BCAR1: variants seen among roughly 807,000 people sequenced by gnomAD.
The protein encoded by BCAR1 is breast cancer anti-estrogen resistance protein 1.
BCAR1 carries 30 observed loss-of-function variants against 67.6 expected under a neutral mutation model. That is an observed-to-expected ratio of 0.44 (90% CI 0.33 to 0.60). BCAR1 has a LOEUF of 0.60. Among genes scored for constraint, BCAR1 ranks in the 20% least tolerant of loss-of-function variants. The pLI, the probability that BCAR1 is intolerant of heterozygous loss-of-function variation, is 0.02. For synonymous variants in BCAR1, 626 were observed against 556.7 expected, an observed-to-expected ratio of 1.12 and a Z score of -1.75; for missense variants, 1,313 against 1,222.3, an observed-to-expected ratio of 1.07 and a Z score of -1.11.
At chr16:75,234,457 C>T (rs2077027250) in intron 5 of BCAR1, among the ~76,000 whole-genome samples, 1 of 152,222 alleles carries the variant, frequency 6.6e-6, no homozygotes, top group Admixed American at 6.5e-5. Flanking sequence ...GTCCCTGCCC[C>T]TGGATGCCTC....
rs774441449 is a variant in BCAR1, at chr16:75,238,303, C to G, written c.634-959G>C. ...CTCCAGCCCCCGGGCACACTGCGCC[C>G]ACACGCCTCCACCACCAGGCTCCCT... is the stretch of plus-strand genomic sequence containing the variant. On this transcript the variant is annotated intron_variant, in intron 2 of 6. Coordinates refer to ENST00000162330, the MANE Select transcript of BCAR1 (RefSeq NM_014567.5). 7.0e-6 allele frequency: 8 copies of G among 1,146,000 alleles called. No individual in the cohort carries two copies. The South Asian group carries it at 1.4e-4, about 19-fold the overall frequency. 71.0% of individuals were successfully genotyped at this position (1,146,000 alleles called of 1,614,324 possible).
intron 1 of BCAR1, among the ~76,000 whole-genome samples, chr16:75,260,104 G>A (rs2077870102): frequency 6.6e-6 from 1 of 152,070 alleles, no homozygotes; most frequent in Admixed American, 6.6e-5. Flanking sequence ...TGAGGCAGGA[G>A]AATCACTTGA....
At chr16:75,251,796 C>A, upstream of BCAR1, 1 of 526,692 alleles carries the variant, frequency 1.9e-6, no homozygotes, top group Non-Finnish European at 2.4e-6. Context: ...CCCCGCCCCC[C>A]ACCTCCAACC....
Position 75,245,964 on chromosome 16 carries a change from C to CTTTTTTTTTTTTTTTTTTTTTTTTTTT in BCAR1, c.13-2901_13-2875dup, listed in dbSNP as rs60320561. ...ACAGCCCTCATTTCATAGGATTGTT[C>CTTTTTTTTTTTTTTTTTTTTTTTTTTT]TTTTTTTTTTTTTTTTTTTTTTTTT... On this transcript the variant is annotated intron_variant, in intron 1 of 6. Transcript: ENST00000162330. 7 of 49,634 alleles carry CTTTTTTTTTTTTTTTTTTTTTTTTTTT rather than the reference C, an allele frequency of 1.4e-4. 3 individuals are homozygous for CTTTTTTTTTTTTTTTTTTTTTTTTTTT. The highest frequency in any genetic ancestry group is 3.8e-4 in the African/African-American group (5 of 13,138). 3.1% of individuals were successfully genotyped at this position (49,634 alleles called of 1,614,324 possible). A position where few individuals can be genotyped will look rare whatever the true frequency, so the allele number is the denominator to read the frequency against.
chr16:75,257,966 G>C (rs1409702776), intron 1 of BCAR1, among the ~76,000 whole-genome samples: 1 of 152,212 alleles, frequency 6.6e-6, no homozygotes, highest in Non-Finnish European at 1.5e-5. Flanking sequence ...TACTGCTCAG[G>C]TTTCAGTTTG....
intron 1 of BCAR1, chr16:75,246,118 A>G (rs2077516477): frequency 1.3e-5 from 2 of 151,552 alleles, no homozygotes; most frequent in African/African-American, 4.9e-5. Context: ...AGCTAGGACT[A>G]CAGGCATACA....
rs200736704 is a variant in BCAR1, at chr16:75,229,854, G to A, written c.2270C>T (p.Thr757Ile). ...YLEQCEANLT[T>I]LTNAVDAFFT... ...GAAGGCGTCCACGGCGTTGGTCAGT[G>A]TGGTCAGGTTGGCCTCACACTGCTC... is the stretch of plus-strand genomic sequence containing the variant. Residue 757 changes from threonine to isoleucine, a missense_variant, in exon 7 of 7, where the codon ACA becomes ATA. Coordinates refer to ENST00000162330, the MANE Select transcript of BCAR1 (RefSeq NM_014567.5). 2.5e-6 allele frequency: 4 copies of A among 1,613,384 alleles called. No homozygotes were observed. The highest frequency in any genetic ancestry group is 2.2e-5 in the East Asian group (1 of 44,884).
chr16:75,233,484 C>A (rs1038896602), intron 6 of BCAR1, among the ~76,000 whole-genome samples: 4 of 152,178 alleles, frequency 2.6e-5, no homozygotes, highest in Non-Finnish European at 5.9e-5. Context: ...GATGCTGGGA[C>A]AGAAGAGTCG....
At chr16:75,267,405 T>TGGGGG (rs1567629933) in intron 1 of BCAR1, among the ~76,000 whole-genome samples, 1 of 97,078 alleles carries the variant, frequency 1.0e-5, no homozygotes, top group Non-Finnish European at 2.1e-5. Flanking sequence ...GGGGGGGGGG[T>TGGGGG]GGGGGGCCTG....
intron 6 of BCAR1, 68 bp downstream of exon 6, chr16:75,233,778 A>T: frequency 2.0e-6 from 3 of 1,493,872 alleles, no homozygotes; most frequent in Non-Finnish European, 2.7e-6. Context: ...TCGGCCCTGC[A>T]GGGCAAGAGC....
intron 1 of BCAR1, chr16:75,248,405 G>C (rs2077584091): frequency 8.7e-7 from 1 of 1,154,800 alleles, no homozygotes; most frequent in African/African-American, 1.6e-5. Context: ...GTCCCAAAGA[G>C]CCTCCGTGGC....
chr16:75,228,604 G>C lies in BCAR1; in HGVS notation c.*907C>G, dbSNP rs933810268. On this transcript the variant is annotated 3_prime_UTR_variant, in exon 7 of 7. Coordinates refer to ENST00000162330, the MANE Select transcript of BCAR1 (RefSeq NM_014567.5). ...ATGAGATTCTTTTAAGCAGAGCTCT[G>C]GATGCAGCCCCCAGCGGTGCCCTCG... is the stretch of plus-strand genomic sequence containing the variant. 1 of 152,368 alleles carries C rather than the reference G, an allele frequency of 6.6e-6. No homozygotes were observed. The highest frequency in any genetic ancestry group is 6.5e-5 in the Admixed American group (1 of 15,290). The allele number at this position is 152,368 out of a possible 1,614,324, so 9.4% of individuals were successfully genotyped here. A position where few individuals can be genotyped will look rare whatever the true frequency, so the allele number is the denominator to read the frequency against.
At chr16:75,236,010 ACTGTCCAT>A (rs777478255) in intron 4 of BCAR1, 24 bp from the exon 5 acceptor site, 5 of 1,551,678 alleles carry the variant, frequency 3.2e-6, no homozygotes, top group South Asian at 1.2e-5. Context: ...GGTGGTCAAG[ACTGTCCAT>A]CTGTCCATCT....
intron 1 of BCAR1, chr16:75,247,060 C>T (rs3743614): frequency 0.17 from 25,289 of 152,670 alleles, 2,677 homozygotes; most frequent in East Asian, 0.33. Flanking sequence ...ACTATCATCC[C>T]CTCCAGGAAG....
intron 6 of BCAR1, among the ~76,000 whole-genome samples, chr16:75,232,574 G>A (rs2076937923): frequency 6.6e-6 from 1 of 152,218 alleles, no homozygotes; most frequent in Non-Finnish European, 1.5e-5. Flanking sequence ...AGGATTACAG[G>A]TGTGACATTT....
At position 75,229,954 on chromosome 16, in the gene BCAR1, G is replaced by T. The variant is rs141868789; in HGVS notation, c.2170C>A (p.Pro724Thr). 9.4e-6 allele frequency: 15 copies of T among 1,597,158 alleles called. No individual in the cohort carries two copies. The highest frequency in any genetic ancestry group is 1.2e-5 in the Non-Finnish European group (14 of 1,169,250). ...PIDHDLANWT[P>T]AQPLAPGRTG... ...CGCCCCGGGGCCAGGGGTTGGGCTG[G>T]CGTCCAGTTGGCCAGGTCGTGGTCT... The change falls in exon 7 of 7, where the codon CCA becomes ACA. Residue 724 changes from proline (P) to threonine (T), a missense_variant. Around this residue, in one of 2 missense-constraint regions of BCAR1, gnomAD observed 1,272 missense variants for 1,137.5 expected, o/e 1.12. Transcript: ENST00000162330.
rs145700006 is a variant in BCAR1 at position 75,243,088 on chromosome 16, G to A, written c.15C>T (p.Asn5=). 2.8e-4 allele frequency: 447 copies of A among 1,582,662 alleles called. 5 individuals are homozygous for A. In the African/African-American group the frequency reaches 3.6e-3, roughly 13 times the overall value. MNHL[N]VLAKALYDNV... ...TGTCATAGAGCGCTTTGGCCAGCAC[G>A]TTCTGGGGAGAGAGGACACAGGTGT... Residue 5 remains asparagine, a splice_region_variant and synonymous_variant, in exon 2 of 7, where the codon AAC becomes AAT. Coordinates refer to ENST00000162330, the MANE Select transcript of BCAR1 (RefSeq NM_014567.5).
chr16:75,229,960 A>G lies in BCAR1; in HGVS notation c.2164T>C (p.Trp722Arg), dbSNP rs1404891286. The change falls in exon 7 of 7, where the codon TGG (tryptophan) becomes CGG (arginine). Residue 722 changes from tryptophan (W) to arginine (R), a missense_variant. Trp to Arg is a moderately radical substitution (Grantham distance 101, BLOSUM62 -3). This residue lies in a region of BCAR1 where 1,272 missense variants were observed against 1,137.5 expected (regional missense o/e 1.12). Coordinates refer to ENST00000162330, the MANE Select transcript of BCAR1 (RefSeq NM_014567.5). ...GGGGCCAGGGGTTGGGCTGGCGTCC[A>G]GTTGGCCAGGTCGTGGTCTATGGGC... ...SRPIDHDLAN[W>R]TPAQPLAPGR... The G allele has an allele frequency of 6.3e-7, 1 of 1,595,406 alleles. No homozygotes were observed. Among genetic ancestry groups the G allele is most frequent in the Admixed American group, 1.7e-5 (1 of 58,850 alleles).
chr16:75,235,731 G>T lies in BCAR1; in HGVS notation c.1168C>A (p.Pro390Thr), dbSNP rs747863508. Residue 390 changes from proline to threonine, a missense_variant, in exon 5 of 7, where the codon CCC (proline) becomes ACC (threonine). By Grantham distance (38) the Pro-to-Thr change is conservative. Coordinates refer to ENST00000162330, the MANE Select transcript of BCAR1 (RefSeq NM_014567.5). ...TCAGGAGGAAGCACCCGTTCACGGG[G>T]CACATCGTACAGGGTGCCCGGGCCA... ...RPGPGTLYDV[P>T]RERVLPPEVA... 6 of 1,604,488 alleles carry T rather than the reference G, an allele frequency of 3.7e-6. No individual in the cohort carries two copies. The highest frequency in any genetic ancestry group is 5.1e-6 in the Non-Finnish European group (6 of 1,175,582).
Sources: gnomAD v4.1 joint callset for allele counts (sites outside exome capture counted in the v4.1 genomes callset) on GRCh38, gnomAD v4.1.1 for gene constraint, gnomAD v4.1.1 regional missense constraint, MANE v1.5 for transcripts, NCBI Gene and HGNC (gene_info 2026-07-23, HGNC 2026-07-21) for gene names.